Variants in HIPK2 observed in about 807,000 individuals in gnomAD.
The protein encoded by HIPK2 is homeodomain-interacting protein kinase 2.
HIPK2 carries 27 observed loss-of-function variants against 113.7 expected under a neutral mutation model. The ratio of observed to expected loss-of-function variants is 0.24; its 90% confidence interval spans 0.17 to 0.33. The LOEUF is 0.33. Ranked by LOEUF, HIPK2 falls within the 10% of genes least tolerant of loss-of-function variation. The pLI, the probability that HIPK2 is intolerant of heterozygous loss-of-function variation, is 1.00. For synonymous variants in HIPK2, 631 were observed against 642.2 expected (o/e 0.98, Z 0.26); for missense variants, 1,257 against 1,588.0 (o/e 0.79, Z 3.54).
At chr7:139,646,499 TA>T (rs57503855) in intron 2 of HIPK2, among the ~76,000 whole-genome samples, 15,025 of 119,872 alleles carry the variant, frequency 0.13, 981 homozygotes, top group African/African-American at 0.2. Flanking sequence ...GACCTTGTCT[TA>T]AAAAAAAAAA....
At chr7:139,612,257 C>T (rs755930187) in intron 9 of HIPK2, among the ~76,000 whole-genome samples, 85 of 152,106 alleles carry the variant, frequency 5.6e-4, no homozygotes, top group Non-Finnish European at 1.1e-3. Context: ...TTCCATTTAA[C>T]AAGACAGGAC....
At chr7:139,758,898 T>C (rs1175838837) in intron 1 of HIPK2, among the ~76,000 whole-genome samples, 1 of 151,998 alleles carries the variant, frequency 6.6e-6, no homozygotes, top group African/African-American at 2.4e-5. Flanking sequence ...CTGAAAAATA[T>C]GAGACAGGCA....
chr7:139,655,868 T>C (rs938213668), intron 2 of HIPK2, among the ~76,000 whole-genome samples: 14 of 152,154 alleles, frequency 9.2e-5, no homozygotes, highest in Non-Finnish European at 1.6e-4. Flanking sequence ...GATAATTGGA[T>C]GATCATTTAA....
In HIPK2 at chr7:139,626,745, A is replaced by G; in HGVS notation, c.1475T>C (p.Val492Ala). 2 of 1,613,928 alleles carry G rather than the reference A, an allele frequency of 1.2e-6. No individual in the cohort carries two copies. Among genetic ancestry groups the G allele is most frequent in the Non-Finnish European group, 1.7e-6 (2 of 1,179,894 alleles). Residue 492 changes from valine (V) to alanine (A), a missense_variant, in exon 6 of 15, where the codon GTA (valine) becomes GCA (alanine). Physicochemically the swap from Val to Ala is moderately conservative, Grantham distance 64. Transcript: ENST00000406875. ...TTDLEGSDML[V>A]EKADRREFID... Reference sequence around the variant, plus strand: ...GAACTCCCGCCGGTCAGCCTTTTCTACCAACATGTCGCTCCCTTCCAAATC... The same window carrying G: ...GAACTCCCGCCGGTCAGCCTTTTCTGCCAACATGTCGCTCCCTTCCAAATC...
intron 2 of HIPK2, among the ~76,000 whole-genome samples, chr7:139,689,109 G>A (rs1226406367): frequency 6.6e-6 from 1 of 152,204 alleles, no homozygotes; most frequent in Admixed American, 6.5e-5. Context: ...CGTGCAGCCT[G>A]GAGACGCCCG....
chr7:139,586,699 C>T (rs925915531), intron 12 of HIPK2, among the ~76,000 whole-genome samples: 1 of 151,394 alleles, frequency 6.6e-6, no homozygotes, highest in African/African-American at 2.4e-5. Flanking sequence ...TTTGAGGCTG[C>T]AGTGAGCTAT....
At position 139,563,926 on chromosome 7, in the gene HIPK2, C is replaced by G. The variant is rs1798019283; in HGVS notation, c.*9001G>C. ...AGAGAAAACATAAAAGAAACCAAGA[C>G]TCAGGGAAACTGCCATTCCCCCAGT... On this transcript the variant is annotated 3_prime_UTR_variant, in exon 15 of 15. Transcript: ENST00000406875. 7.5e-6 allele frequency: 3 copies of G among 398,514 alleles called. No individual in the cohort carries two copies. The highest frequency in any genetic ancestry group is 1.3e-5 in the Non-Finnish European group (3 of 226,082). 24.7% of individuals were successfully genotyped at this position (398,514 alleles called of 1,614,324 possible).
chr7:139,719,427 C>T (rs1405946042), intron 1 of HIPK2, among the ~76,000 whole-genome samples: 1 of 152,114 alleles, frequency 6.6e-6, no homozygotes, highest in Admixed American at 6.5e-5. Flanking sequence ...CAAATGTTGG[C>T]ATTTCCACCG....
intron 6 of HIPK2, among the ~76,000 whole-genome samples, chr7:139,626,006 TC>T (rs1018805673): frequency 6.6e-6 from 1 of 152,124 alleles, no homozygotes; most frequent in Admixed American, 6.5e-5. Context: ...GTCAGGTTCA[TC>T]CAGCTCTGTG....
At chr7:139,649,838 T>C (rs1801391558) in intron 2 of HIPK2, among the ~76,000 whole-genome samples, 1 of 152,094 alleles carries the variant, frequency 6.6e-6, no homozygotes, top group Non-Finnish European at 1.5e-5. Context: ...GTTGGTTAGG[T>C]TTAGTTGCTC....
chr7:139,596,100 G>A (rs1338811858), intron 12 of HIPK2, among the ~76,000 whole-genome samples: 2 of 152,218 alleles, frequency 1.3e-5, no homozygotes, highest in Non-Finnish European at 1.5e-5. Context: ...GCTGAAGTCT[G>A]GCTGGGCAGT....
intron 1 of HIPK2, among the ~76,000 whole-genome samples, chr7:139,718,853 T>C (rs1240182217): frequency 1.3e-5 from 2 of 152,200 alleles, no homozygotes; most frequent in Middle Eastern, 3.2e-3. Context: ...CTCTCACCTG[T>C]GATCAATGGT....
At chr7:139,576,057 C>A (rs1798479335) in intron 13 of HIPK2, among the ~76,000 whole-genome samples, 1 of 152,232 alleles carries the variant, frequency 6.6e-6, no homozygotes, top group Non-Finnish European at 1.5e-5. Flanking sequence ...CTGCTTGGTC[C>A]CCACCATGGG....
At position 139,711,953 on chromosome 7, in the gene HIPK2, G is replaced by T. The variant is rs189514509; in HGVS notation, c.1103+3979C>A. On this transcript the variant is annotated intron_variant, in intron 2 of 14. Transcript: ENST00000406875. ...AGTGTTTCTCAAAGACTGGTCCTAA[G>T]ACCCCCTGCCTGGCTCACCTCCAGT... 3.7e-3 allele frequency among the ~76,000 whole-genome samples: 560 copies of T among 152,222 alleles called. 2 individuals are homozygous for T. The highest frequency in any genetic ancestry group is 4.0e-3 in the Non-Finnish European group (273 of 68,004).
intron 6 of HIPK2, 72 bp downstream of exon 6, chr7:139,626,529 C>T (rs550465455): frequency 1.1e-5 from 16 of 1,518,784 alleles, no homozygotes; most frequent in Middle Eastern, 1.7e-4. Flanking sequence ...GGCCGCAAAA[C>T]CTAAAATATT....
At chr7:139,682,618 C>A (rs538041104) in intron 2 of HIPK2, among the ~76,000 whole-genome samples, 7 of 152,202 alleles carry the variant, frequency 4.6e-5, no homozygotes, top group Admixed American at 3.9e-4. Context: ...TTACTCATCT[C>A]CTCCCCACAG....
intron 11 of HIPK2, 69 bp from the exon 12 acceptor site, chr7:139,597,067 A>T (rs568805558): frequency 1.3e-6 from 2 of 1,494,066 alleles, no homozygotes; most frequent in Non-Finnish European, 1.8e-6. Context: ...AAGGAGCCCA[A>T]TTGCCTAGAA....
At chr7:139,606,093 T>C (rs542306800) in intron 9 of HIPK2, among the ~76,000 whole-genome samples, 1 of 152,336 alleles carries the variant, frequency 6.6e-6, no homozygotes, top group African/African-American at 2.4e-5. Context: ...AGAGATAGGG[T>C]AGAAAGACTA....
At chr7:139,638,508 G>A (rs927782411) in intron 2 of HIPK2, among the ~76,000 whole-genome samples, 3 of 152,036 alleles carry the variant, frequency 2.0e-5, no homozygotes, top group African/African-American at 4.8e-5. Flanking sequence ...TTTCCTCATC[G>A]CTATTTTGGG....
Sources: allele counts gnomAD v4.1 joint callset (sites outside exome capture counted in the v4.1 genomes callset), GRCh38; gene constraint gnomAD v4.1.1; transcripts MANE v1.5; gene names NCBI Gene and HGNC (gene_info 2026-07-23, HGNC 2026-07-21).